Variants in TTLL7 observed in about 807,000 individuals in gnomAD.
TTLL7 encodes tubulin tyrosine ligase like 7, also known as tubulin polyglutamylase TTLL7.
Under a neutral mutation model 120.2 loss-of-function variants are expected in TTLL7, and 53 were observed. The ratio of observed to expected loss-of-function variants is 0.44; its 90% CI spans 0.35 to 0.55. The LOEUF is 0.55. Among genes scored for constraint, TTLL7 ranks in the 20% least tolerant of loss-of-function variants. The pLI is 0.00. For missense variants in TTLL7, 803 were observed against 1,054.7 expected (o/e 0.76, Z 3.31); for synonymous variants, 353 against 351.7 (o/e 1.00, Z -0.04).
chr1:83,933,701 T>G lies in TTLL7; in HGVS notation c.954A>C (p.Arg318Ser). 1.2e-6 allele frequency: 2 copies of G among 1,613,654 alleles called. No homozygotes were observed. The highest frequency in any genetic ancestry group is 1.7e-6 in the Non-Finnish European group (2 of 1,179,694). The change falls in exon 9 of 21, where the codon AGA (arginine) becomes AGC (serine). Residue 318 changes from arginine to serine, a missense_variant. This residue lies in a region of TTLL7 where 324 missense variants were observed against 507.7 expected (regional missense o/e 0.64). Transcript: ENST00000260505. ...PHVLHAYRMC[R>S]PGQPPGSESV... ...TTTCGCTTCCTGGAGGTTGACCAGG[T>G]CTACACATTCGATAGGCATGCAGGA...
chr1:83,992,437 C>CT lies in TTLL7; in HGVS notation c.-177+6493dup, dbSNP rs1653085368. On this transcript the variant is annotated intron_variant, in intron 1 of 20. Coordinates refer to ENST00000260505, the MANE Select transcript of TTLL7 (RefSeq NM_024686.6). ...AGAAGATACTTTTTCCTCAAATACTCTAAAGAAAAAAAAAACAAAAGGACT... is the reference window on the plus strand; with the variant it reads ...AGAAGATACTTTTTCCTCAAATACTCTTAAAGAAAAAAAAAACAAAAGGACT... Among the ~76,000 whole-genome samples, 3 of 116,374 alleles carry CT rather than the reference C, an allele frequency of 2.6e-5. No individual in the cohort carries two copies. In the South Asian group the frequency reaches 7.5e-4, roughly 29 times the overall value. 76.3% of individuals were successfully genotyped at this position (116,374 alleles called of 152,430 possible).
At chr1:83,882,876 TAAAC>T in intron 20 of TTLL7, 83 bp downstream of exon 20, 1 of 1,473,268 alleles carries the variant, frequency 6.8e-7, no homozygotes, top group Non-Finnish European at 9.2e-7. Flanking sequence ...TCTAGTCACA[TAAAC>T]AAAAAAACAC....
chr1:83,868,953 T>C lies in TTLL7; in HGVS notation c.*1009A>G, dbSNP rs920117685. The C allele has an allele frequency of 2.0e-5, 3 of 149,992 alleles. No homozygotes were observed. Among genetic ancestry groups the C allele is most frequent in the African/African-American group, 7.3e-5 (3 of 41,144 alleles). The allele number at this position is 149,992 out of a possible 1,614,324, so 9.3% of individuals were successfully genotyped here. On this transcript the variant is annotated 3_prime_UTR_variant, in exon 21 of 21. Coordinates refer to ENST00000260505, the MANE Select transcript of TTLL7 (RefSeq NM_024686.6). ...TTTATTTATTTTTATCTTCTTTTTA[T>C]TTATTTATTTATTTTATTTTATTAT...
intron 6 of TTLL7, 49 bp downstream of exon 6, chr1:83,947,075 T>A: frequency 6.7e-7 from 1 of 1,492,216 alleles, no homozygotes; most frequent in Non-Finnish European, 9.0e-7. Context: ...TTCTCCCCAC[T>A]CCCAAATTTT....
At chr1:83,891,705 C>T (rs1571075628) in intron 18 of TTLL7, among the ~76,000 whole-genome samples, 1 of 152,116 alleles carries the variant, frequency 6.6e-6, no homozygotes, top group East Asian at 1.9e-4. Flanking sequence ...GGATACTCAC[C>T]CCCTCTGGAC....
chr1:83,917,462 C>G (rs1273414962), intron 14 of TTLL7, 142 bp downstream of exon 14: 2 of 581,512 alleles, frequency 3.4e-6, no homozygotes, highest in Non-Finnish European at 6.1e-6. Context: ...AAGGTATCAT[C>G]ATCTTCCAAA....
intron 18 of TTLL7, among the ~76,000 whole-genome samples, chr1:83,891,334 C>T (rs113375423): frequency 0.024 from 3,661 of 151,584 alleles, 73 homozygotes; most frequent in African/African-American, 0.053. Context: ...AATAAATATG[C>T]CCAATAAACA....
intron 10 of TTLL7, among the ~76,000 whole-genome samples, chr1:83,925,146 C>T (rs887624929): frequency 6.6e-6 from 1 of 152,130 alleles, no homozygotes; most frequent in Non-Finnish European, 1.5e-5. Flanking sequence ...CAAGGGCAAT[C>T]TATATATGAA....
At chr1:83,969,121 A>G (rs965932179) in intron 1 of TTLL7, among the ~76,000 whole-genome samples, 1 of 151,974 alleles carries the variant, frequency 6.6e-6, no homozygotes, top group Non-Finnish European at 1.5e-5. Flanking sequence ...ATGATATTCA[A>G]TGTCAGTATT....
At chr1:83,894,576 T>C (rs1416159334) in intron 18 of TTLL7, among the ~76,000 whole-genome samples, 1 of 152,136 alleles carries the variant, frequency 6.6e-6, no homozygotes, top group Non-Finnish European at 1.5e-5. Flanking sequence ...TTTAATAGCA[T>C]GACAGTACCA....
Position 83,906,788 on chromosome 1 carries a change from C to A in TTLL7, c.1993-325G>T, listed in dbSNP as rs575419738. ...TTTTTCTTGATTAGAAAAAAAAATT[C>A]ATTGTTACCAAGTGAAATTCACTCA... On this transcript the variant is annotated intron_variant, in intron 16 of 20. Transcript: ENST00000260505. 3.3e-5 allele frequency among the ~76,000 whole-genome samples: 5 copies of A among 152,082 alleles called. No individual in the cohort carries two copies. The South Asian group carries it at 1.0e-3, about 32-fold the overall frequency.
At chr1:83,881,977 C>A (rs928168284) in intron 20 of TTLL7, among the ~76,000 whole-genome samples, 3 of 150,604 alleles carry the variant, frequency 2.0e-5, no homozygotes, top group African/African-American at 7.3e-5. Flanking sequence ...TCTCAGTAAA[C>A]TATCACAAGA....
At position 83,867,150 on chromosome 1, in the gene TTLL7, A is replaced by C. The variant is rs1259646565; in HGVS notation, c.*2812T>G. ...AAAAGGGAGTCACACCTGTACAATC[A>C]CTTATGCTTATATGTTTTAACCTAT... On this transcript the variant is annotated 3_prime_UTR_variant, in exon 21 of 21. Transcript: ENST00000260505. 1 of 152,026 alleles carries C rather than the reference A, an allele frequency of 6.6e-6. No homozygotes were observed. Among genetic ancestry groups the C allele is most frequent in the Non-Finnish European group, 1.5e-5 (1 of 67,898 alleles). 9.4% of individuals were successfully genotyped at this position (152,026 alleles called of 1,614,324 possible).
intron 19 of TTLL7, among the ~76,000 whole-genome samples, chr1:83,884,321 A>G (rs1014191065): frequency 3.9e-5 from 6 of 151,954 alleles, no homozygotes; most frequent in African/African-American, 1.4e-4. Context: ...ATTCAGGACA[A>G]TATTTTCCTG....
intron 1 of TTLL7, among the ~76,000 whole-genome samples, chr1:83,965,681 T>G (rs577252134): frequency 6.6e-6 from 1 of 152,174 alleles, no homozygotes; most frequent in East Asian, 1.9e-4. Context: ...ATAAGCTTCT[T>G]GAAGGGAATA....
intron 1 of TTLL7, among the ~76,000 whole-genome samples, chr1:83,965,116 T>G (rs1571328921): frequency 0.5 from 2 of 4 alleles, no homozygotes; most frequent in African/African-American, 0.5. Flanking sequence ...AGTCAATCTA[T>G]TTTTTTTTAA....
At chr1:83,991,234 A>T (rs1351183575) in intron 1 of TTLL7, among the ~76,000 whole-genome samples, 1 of 152,136 alleles carries the variant, frequency 6.6e-6, no homozygotes, top group Non-Finnish European at 1.5e-5. Flanking sequence ...TTGTTTAATG[A>T]GTATAGAGTT....
intron 20 of TTLL7, 62 bp downstream of exon 20, chr1:83,882,901 A>T: frequency 6.4e-7 from 1 of 1,551,708 alleles, no homozygotes; most frequent in Non-Finnish European, 8.7e-7. Flanking sequence ...TGTCAATTTC[A>T]AACTGTGTTT....
intron 5 of TTLL7, 187 bp from the exon 6 acceptor site, chr1:83,947,469 C>CCTG: frequency 2.0e-6 from 1 of 504,176 alleles, no homozygotes; most frequent in Non-Finnish European, 3.4e-6. Flanking sequence ...CTATTCTGGA[C>CCTG]TATGGATTCA....
Sources: allele counts gnomAD v4.1 joint callset (sites outside exome capture counted in the v4.1 genomes callset), GRCh38; gene constraint gnomAD v4.1.1; regional missense constraint gnomAD v4.1.1; transcripts MANE v1.5; gene names NCBI Gene and HGNC (gene_info 2026-07-23, HGNC 2026-07-21).